The following NFIA variants were observed in gnomAD, a reference collection of about 807,000 sequenced individuals.
NFIA encodes the protein nuclear factor I A.
A neutral mutation model predicts 62.8 loss-of-function variants in NFIA; 8 were observed. That is an observed-to-expected ratio of 0.13 (90% CI 0.07 to 0.23). The LOEUF is 0.23. Ranked by LOEUF, NFIA falls within the 10% of genes least tolerant of loss-of-function variation. The pLI is 1.00. For missense variants in NFIA, 410 were observed against 642.1 expected, an observed-to-expected ratio of 0.64 and a Z score of 3.91; for synonymous variants, 235 against 238.1, an observed-to-expected ratio of 0.99 and a Z score of 0.12.
rs1646268461 is a variant in NFIA at position 61,088,957 on chromosome 1, G to A, written c.559+277G>A. On this transcript the variant is annotated intron_variant, in intron 2 of 10. Transcript: ENST00000403491. The surrounding 1 kb of genome is among the most constrained non-coding windows in gnomAD (Gnocchi z 4.5). ...ATGTTTAAATCACATTTTTTGATGA[G>A]GGGATGAGAGAAGCCTCGTGAAAAC... Among the ~76,000 whole-genome samples, 5 of 152,306 alleles carry A rather than the reference G, an allele frequency of 3.3e-5. No homozygotes were observed. In the South Asian group the frequency reaches 1.0e-3, roughly 32 times the overall value.
intron 4 of NFIA, among the ~76,000 whole-genome samples, chr1:61,338,585 T>G (rs1661740488): frequency 6.6e-6 from 1 of 152,248 alleles, no homozygotes; most frequent in South Asian, 2.1e-4. Context: ...TAAGAACTAT[T>G]GGCAATATTC....
chr1:61,241,497 T>C (rs1293787546), intron 2 of NFIA, among the ~76,000 whole-genome samples: 1 of 152,162 alleles, frequency 6.6e-6, no homozygotes, highest in Non-Finnish European at 1.5e-5. Context: ...TAGCGTTCTA[T>C]TTAAACAGTG....
At position 61,278,801 on chromosome 1, in the gene NFIA, G is replaced by T. The variant is rs540627971; in HGVS notation, c.625+1216G>T. Among the ~76,000 whole-genome samples, 11 of 151,658 alleles carry T rather than the reference G, an allele frequency of 7.3e-5. No homozygotes were observed. In the East Asian group the frequency reaches 2.2e-3, roughly 30 times the overall value. On this transcript the variant is annotated intron_variant, in intron 3 of 10. Coordinates refer to ENST00000403491, the MANE Select transcript of NFIA (RefSeq NM_001134673.4). ...AGCAGAACATCTCAGGGGAGGCGGG[G>T]CGGCGGAAGCTCAGGCTGTGACCTG... is the stretch of plus-strand genomic sequence containing the variant.
rs576613886 is a variant in NFIA at position 61,283,581 on chromosome 1, C to CAAAAAAAAAAAAAAAAAA, written c.625+6006_625+6023dup. 1.6e-3 allele frequency among the ~76,000 whole-genome samples: 59 copies of CAAAAAAAAAAAAAAAAAA among 36,686 alleles called. 3 individuals carry two copies. Among genetic ancestry groups the CAAAAAAAAAAAAAAAAAA allele is most frequent in the East Asian group, 6.4e-3 (7 of 1,092 alleles). The allele number at this position is 36,686 out of a possible 152,430, so 24.1% of individuals were successfully genotyped here. On this transcript the variant is annotated intron_variant, in intron 3 of 10. Transcript: ENST00000403491. ...TGGGTGACAGAACGAGACTCTGTCT[C>CAAAAAAAAAAAAAAAAAA]AAAAAAAAAAAAAAAAAAAAAAAAA...
intron 2 of NFIA, among the ~76,000 whole-genome samples, chr1:61,250,778 A>T (rs904466848): frequency 6.6e-6 from 1 of 152,216 alleles, no homozygotes; most frequent in Non-Finnish European, 1.5e-5. Context: ...TTTTTCTTAG[A>T]AGTAAGAAAT....
intron 7 of NFIA, among the ~76,000 whole-genome samples, chr1:61,402,184 CCCA>C (rs747200176): frequency 4.6e-5 from 7 of 151,672 alleles, no homozygotes; most frequent in Non-Finnish European, 1.0e-4. Flanking sequence ...ACTACAGGCA[CCCA>C]CCACCACACC....
At chr1:61,454,248 A>T (rs950304294) in intron 10 of NFIA, among the ~76,000 whole-genome samples, 7 of 152,234 alleles carry the variant, frequency 4.6e-5, no homozygotes, top group African/African-American at 1.7e-4. Context: ...TGAATTTGTC[A>T]AGGTATCTCT....
At chr1:61,452,028 T>C (rs886301725) in intron 10 of NFIA, among the ~76,000 whole-genome samples, 2 of 152,238 alleles carry the variant, frequency 1.3e-5, no homozygotes, top group African/African-American at 4.8e-5. Flanking sequence ...CATTCTTCAA[T>C]TAATGTTCTA....
intron 2 of NFIA, among the ~76,000 whole-genome samples, chr1:61,143,879 T>A (rs533869960): frequency 6.6e-6 from 1 of 152,336 alleles, no homozygotes; most frequent in Admixed American, 6.5e-5. Context: ...ACATAAGGCC[T>A]CTGAGAGGCC....
chr1:61,104,411 C>G (rs1040194130), intron 2 of NFIA, among the ~76,000 whole-genome samples: 3 of 151,924 alleles, frequency 2.0e-5, no homozygotes, highest in African/African-American at 7.3e-5. Flanking sequence ...GGTGTTGGGC[C>G]CAGTTAGATA....
At chr1:61,359,015 T>G in intron 5 of NFIA, 132 bp from the exon 6 acceptor site, 1 of 1,295,374 alleles carries the variant, frequency 7.7e-7, no homozygotes, top group Middle Eastern at 2.8e-4. Context: ...AACAGAAGTT[T>G]AAAAGGAGTC....
chr1:61,322,578 T>A (rs1201445134), intron 3 of NFIA, among the ~76,000 whole-genome samples: 1 of 152,136 alleles, frequency 6.6e-6, no homozygotes, highest in Non-Finnish European at 1.5e-5. Flanking sequence ...GTTGATTGTA[T>A]CACTTGCGTT....
chr1:61,242,317 T>A (rs1011723244), intron 2 of NFIA, among the ~76,000 whole-genome samples: 8 of 152,136 alleles, frequency 5.3e-5, no homozygotes, highest in African/African-American at 1.7e-4. Context: ...GCATACTACT[T>A]CTGCTGGCAT....
At chr1:61,368,980 A>C (rs1663743415) in intron 6 of NFIA, among the ~76,000 whole-genome samples, 1 of 152,224 alleles carries the variant, frequency 6.6e-6, no homozygotes, top group Non-Finnish European at 1.5e-5. Context: ...TGTAATAGAT[A>C]AGATGTAGAG....
chr1:61,446,215 A>G lies in NFIA; in HGVS notation c.1513-9088A>G, dbSNP rs569675097. Among the ~76,000 whole-genome samples, 5 of 152,328 alleles carry G rather than the reference A, an allele frequency of 3.3e-5. No homozygotes were observed. The South Asian group carries it at 8.3e-4, about 25-fold the overall frequency. ...CAGACCCGCAGTCCAGTGCTTAACT[A>G]TCTTTTCTCATGAATCTGAAAACGC... On this transcript the variant is annotated intron_variant, in intron 10 of 10. Transcript: ENST00000403491.
At chr1:61,273,132 G>A (rs1375175768) in intron 2 of NFIA, among the ~76,000 whole-genome samples, 1 of 152,194 alleles carries the variant, frequency 6.6e-6, no homozygotes, top group Non-Finnish European at 1.5e-5. Flanking sequence ...CAGTGTGTCT[G>A]CTTTTCCTTT....
At chr1:61,301,982 G>C (rs1292087564) in intron 3 of NFIA, among the ~76,000 whole-genome samples, 2 of 152,216 alleles carry the variant, frequency 1.3e-5, no homozygotes, top group Non-Finnish European at 2.9e-5. Flanking sequence ...GCTCTCCTCT[G>C]AGAGAGAACT....
chr1:61,245,180 G>A (rs1420203973), intron 2 of NFIA, among the ~76,000 whole-genome samples: 1 of 152,036 alleles, frequency 6.6e-6, no homozygotes, highest in Non-Finnish European at 1.5e-5. Flanking sequence ...ATTTAGATGG[G>A]TTTTTCTTAA....
At chr1:61,173,876 G>A (rs937234183) in intron 2 of NFIA, among the ~76,000 whole-genome samples, 1 of 152,200 alleles carries the variant, frequency 6.6e-6, no homozygotes, top group African/African-American at 2.4e-5. Context: ...TACAGCTGGG[G>A]TGAGGGTGGT....
Sources: gnomAD v4.1 joint callset for allele counts (sites outside exome capture counted in the v4.1 genomes callset) on GRCh38, gnomAD v4.1.1 for gene constraint, Gnocchi (gnomAD v3.1) non-coding constraint, MANE v1.5 for transcripts, NCBI Gene and HGNC (gene_info 2026-07-23, HGNC 2026-07-21) for gene names.